The following AGBL1 variants were observed in gnomAD, a reference collection of about 807,000 sequenced individuals.
AGBL1 encodes cytosolic carboxypeptidase 4.
Under a neutral mutation model 118.9 loss-of-function variants are expected in AGBL1, and 130 were observed. The ratio of observed to expected loss-of-function variants is 1.09; its 90% confidence interval spans 0.95 to 1.26. AGBL1 has a LOEUF of 1.26. Among genes scored for constraint, AGBL1 ranks in the 50% most tolerant of loss-of-function variants. The pLI is 0.00. For missense variants in AGBL1, 1,584 were observed against 1,298.1 expected, an observed-to-expected ratio of 1.22 and a Z score of -3.38; for synonymous variants, 555 against 478.9, an observed-to-expected ratio of 1.16 and a Z score of -2.08.
chr15:86,472,917 C>G (rs1451006595), intron 18 of AGBL1, among the ~76,000 whole-genome samples: 2 of 152,026 alleles, frequency 1.3e-5, no homozygotes, highest in Non-Finnish European at 2.9e-5. Flanking sequence ...AGATTTCCAT[C>G]TCAAAAAACA....
chr15:86,617,375 T>C (rs2084744764), intron 21 of AGBL1, among the ~76,000 whole-genome samples: 1 of 152,212 alleles, frequency 6.6e-6, no homozygotes, highest in South Asian at 2.1e-4. Flanking sequence ...CAAACTGGCT[T>C]TCTTCCATTC....
At chr15:86,930,398 G>C (rs889343700) in intron 23 of AGBL1, among the ~76,000 whole-genome samples, 1 of 152,108 alleles carries the variant, frequency 6.6e-6, no homozygotes, top group African/African-American at 2.4e-5. Flanking sequence ...GGACAGGGGC[G>C]GGATAGCAGT....
chr15:86,142,433 C>T (rs946500606), intron 2 of AGBL1, among the ~76,000 whole-genome samples: 3 of 152,172 alleles, frequency 2.0e-5, no homozygotes, highest in African/African-American at 7.2e-5. Context: ...AGAAGCTGAA[C>T]TTGAAAGCAT....
intron 1 of AGBL1, among the ~76,000 whole-genome samples, chr15:86,130,943 T>C (rs2076811081): frequency 2.6e-5 from 4 of 152,230 alleles, no homozygotes; most frequent in Admixed American, 2.0e-4. Context: ...TCAATTGGTC[T>C]GGACATTTAA....
At chr15:86,286,251 G>A (rs567242957) in intron 16 of AGBL1, among the ~76,000 whole-genome samples, 29 of 151,918 alleles carry the variant, frequency 1.9e-4, no homozygotes, top group South Asian at 6.2e-4. Flanking sequence ...GTTGCAGATC[G>A]ATCAAACCAG....
At chr15:86,793,999 G>A (rs946963167) in intron 22 of AGBL1, among the ~76,000 whole-genome samples, 8 of 152,316 alleles carry the variant, frequency 5.3e-5, no homozygotes, top group African/African-American at 1.9e-4. Flanking sequence ...TACATTGCTG[G>A]TGCAAATGAA....
intron 18 of AGBL1, among the ~76,000 whole-genome samples, chr15:86,507,477 C>T (rs11633708): frequency 0.59 from 90,236 of 151,904 alleles, 27,455 homozygotes; most frequent in East Asian, 0.77. Context: ...TAGGTAAGGT[C>T]CGTGTTATCA....
At chr15:87,020,299 C>T (rs1234405355) in intron 24 of AGBL1, among the ~76,000 whole-genome samples, 1 of 152,134 alleles carries the variant, frequency 6.6e-6, no homozygotes, top group Admixed American at 6.5e-5. Flanking sequence ...TAAAATTCAA[C>T]ATCCTGTCAT....
chr15:87,020,505 A>T (rs941795188), intron 24 of AGBL1, among the ~76,000 whole-genome samples: 1 of 152,146 alleles, frequency 6.6e-6, no homozygotes, highest in African/African-American at 2.4e-5. Context: ...TGGCCAGGGC[A>T]ATCAGGCAAG....
At chr15:86,117,934 CAAG>C (rs1321413249) in intron 1 of AGBL1, among the ~76,000 whole-genome samples, 1 of 152,186 alleles carries the variant, frequency 6.6e-6, no homozygotes, top group Non-Finnish European at 1.5e-5. Context: ...GCTTCTGGCA[CAAG>C]AAGAATAACT....
At chr15:86,895,050 C>CTTCT (rs1022287596) in intron 22 of AGBL1, among the ~76,000 whole-genome samples, 2 of 130,164 alleles carry the variant, frequency 1.5e-5, no homozygotes, top group African/African-American at 3.0e-5. Flanking sequence ...CCTTTTGTTC[C>CTTCT]TTCTTTCTTT....
intron 22 of AGBL1, among the ~76,000 whole-genome samples, chr15:86,804,883 G>A (rs529028568): frequency 4.3e-4 from 66 of 152,166 alleles, no homozygotes; most frequent in African/African-American, 1.5e-3. Flanking sequence ...AAGAAGCATC[G>A]GTGGCCAGAA....
rs562610957 is a variant in AGBL1, at chr15:86,224,438, G to A, written c.489-476G>A. 1.0e-3 allele frequency among the ~76,000 whole-genome samples: 154 copies of A among 152,268 alleles called. 2 individuals are homozygous for A. The highest frequency in any genetic ancestry group is 2.1e-3 in the South Asian group (10 of 4,830). On this transcript the variant is annotated intron_variant, in intron 5 of 22. Coordinates refer to ENST00000614907, the MANE Select transcript of AGBL1 (RefSeq NM_001386094.1). ...CAGCCTCTCTTTGCAATGTGTGAAT[G>A]CATTTTCCACTGCATCCCCAGGGGT...
chr15:86,218,586 G>C (rs2078227583), intron 5 of AGBL1, among the ~76,000 whole-genome samples: 1 of 152,170 alleles, frequency 6.6e-6, no homozygotes, highest in Non-Finnish European at 1.5e-5. Flanking sequence ...GGTCACCCCT[G>C]TGATTATATT....
At chr15:86,890,745 T>G (rs551069509) in intron 22 of AGBL1, among the ~76,000 whole-genome samples, 1 of 152,328 alleles carries the variant, frequency 6.6e-6, no homozygotes, top group East Asian at 1.9e-4. Flanking sequence ...TCCATTGGTC[T>G]ATGTGTCTGT....
At chr15:86,827,484 T>C (rs1161519065) in intron 22 of AGBL1, among the ~76,000 whole-genome samples, 125 of 4,598 alleles carry the variant, frequency 0.027, 27 homozygotes, top group East Asian at 0.19. Flanking sequence ...TATATATATA[T>C]GTGTGTATAT....
At chr15:86,185,274 G>A (rs905108359) in intron 5 of AGBL1, among the ~76,000 whole-genome samples, 1 of 152,180 alleles carries the variant, frequency 6.6e-6, no homozygotes, top group Non-Finnish European at 1.5e-5. Context: ...TGGAGAGGAT[G>A]TGGCAAAATA....
chr15:86,809,256 A>G (rs191239277), intron 22 of AGBL1, among the ~76,000 whole-genome samples: 1 of 152,122 alleles, frequency 6.6e-6, no homozygotes, highest in Non-Finnish European at 1.5e-5. Flanking sequence ...TCGTTTTTCT[A>G]CTTTTATAAC....
chr15:86,698,098 C>T (rs1212318478), intron 22 of AGBL1, among the ~76,000 whole-genome samples: 1 of 151,936 alleles, frequency 6.6e-6, no homozygotes, highest in Non-Finnish European at 1.5e-5. Flanking sequence ...TTAGTCCTGC[C>T]TCCTATCCGC....
Sources: gnomAD v4.1 joint callset for allele counts (sites outside exome capture counted in the v4.1 genomes callset) on GRCh38, gnomAD v4.1.1 for gene constraint, MANE v1.5 for transcripts, NCBI Gene and HGNC (gene_info 2026-07-23, HGNC 2026-07-21) for gene names.